VPS8: variants seen among roughly 807,000 people sequenced by gnomAD.
The protein encoded by VPS8 is VPS8 subunit of CORVET complex, also known as vacuolar protein sorting-associated protein 8 homolog.
A neutral mutation model predicts 216.4 loss-of-function variants in VPS8; 129 were observed. The observed-to-expected ratio is 0.60, with a 90% CI of 0.52 to 0.69. The LOEUF (loss-of-function observed/expected upper bound fraction) is 0.69, where lower values mean the gene tolerates loss of function less well. Among genes scored for constraint, VPS8 ranks in the 30% least tolerant of loss-of-function variants. VPS8 has a pLI of 0.00. For synonymous variants in VPS8, 571 were observed against 565.4 expected, an observed-to-expected ratio of 1.01 and a Z score of -0.14; for missense variants, 1,531 against 1,683.5, an observed-to-expected ratio of 0.91 and a Z score of 1.59.
At chr3:185,009,616 G>A (rs1042790023) in intron 45 of VPS8, among the ~76,000 whole-genome samples, 1 of 152,154 alleles carries the variant, frequency 6.6e-6, no homozygotes, top group East Asian at 1.9e-4. Context: ...TTTTGCGGGG[G>A]GTAGGGAAGG....
intron 23 of VPS8, among the ~76,000 whole-genome samples, chr3:184,898,170 A>G (rs1052031995): frequency 2.6e-5 from 4 of 152,168 alleles, no homozygotes; most frequent in East Asian, 1.9e-4. Context: ...TCCAAGATCA[A>G]TGTAAGTTCT....
chr3:184,917,414 T>TTCCTTCCC (rs1361403157), intron 28 of VPS8, among the ~76,000 whole-genome samples: 4 of 152,194 alleles, frequency 2.6e-5, no homozygotes, highest in Admixed American at 6.5e-5. Flanking sequence ...TCTTCCTTCC[T>TTCCTTCCC]TCCTTCCCTC....
intron 30 of VPS8, among the ~76,000 whole-genome samples, chr3:184,925,770 C>CTT (rs1166465662): frequency 6.9e-6 from 1 of 144,448 alleles, no homozygotes. Flanking sequence ...TTTTCTCTCT[C>CTT]TATTTTTTTT....
chr3:184,821,406 C>T (rs562034906), intron 1 of VPS8, among the ~76,000 whole-genome samples: 7 of 151,584 alleles, frequency 4.6e-5, no homozygotes, highest in Non-Finnish European at 1.0e-4. Flanking sequence ...TGCAGTGGCG[C>T]GAACTTGGCT....
rs781325500 is a variant in VPS8 at position 184,853,826 on chromosome 3, T to C, written c.822-31T>C. 21 of 1,551,884 alleles carry C rather than the reference T, an allele frequency of 1.4e-5. No individual in the cohort carries two copies. The South Asian group carries it at 2.4e-4, about 18-fold the overall frequency. The stretch of plus-strand genomic sequence containing the variant: ...AGTAGTGCCTTGGATCATTGCTAAA[T>C]TGATTCTGAATTTTCAAATTGCATT... On this transcript the variant is annotated intron_variant, in intron 11 of 47. Coordinates refer to ENST00000625842, the MANE Select transcript of VPS8 (RefSeq NM_001009921.3).
intron 45 of VPS8, among the ~76,000 whole-genome samples, chr3:185,004,021 C>T (rs1205533476): frequency 3.3e-5 from 5 of 152,146 alleles, no homozygotes; most frequent in African/African-American, 1.2e-4. Flanking sequence ...CAGAGACGCT[C>T]CTCACTTTCC....
intron 8 of VPS8, among the ~76,000 whole-genome samples, chr3:184,848,073 C>T (rs534082798): frequency 4.5e-4 from 68 of 152,068 alleles, no homozygotes; most frequent in African/African-American, 1.1e-3. Context: ...CCACCACACC[C>T]GGCTATATTT....
chr3:185,025,823 C>T (rs1757265876), intron 46 of VPS8, among the ~76,000 whole-genome samples: 1 of 152,184 alleles, frequency 6.6e-6, no homozygotes, highest in Non-Finnish European at 1.5e-5. Flanking sequence ...GCCTTGGATA[C>T]CACCAGACTT....
At chr3:184,891,603 G>A (rs1301591325) in intron 22 of VPS8, among the ~76,000 whole-genome samples, 2 of 152,182 alleles carry the variant, frequency 1.3e-5, no homozygotes, top group African/African-American at 4.8e-5. Context: ...ATTCACAGCT[G>A]TGTAAGTATC....
chr3:184,887,527 C>G (rs1398387867), intron 22 of VPS8, among the ~76,000 whole-genome samples: 1 of 151,728 alleles, frequency 6.6e-6, no homozygotes, highest in Non-Finnish European at 1.5e-5. Context: ...TATTATCATC[C>G]ACATTTTATA....
chr3:184,905,095 A>AC (rs1229565955), intron 25 of VPS8, among the ~76,000 whole-genome samples: 1 of 152,096 alleles, frequency 6.6e-6, no homozygotes, highest in East Asian at 1.9e-4. Context: ...AAAAGAGTGA[A>AC]CCCAGTCCAT....
At position 184,849,066 on chromosome 3, in the gene VPS8, T is replaced by A; in HGVS notation, c.542-5T>A. The A allele has an allele frequency of 6.2e-7, 1 of 1,612,734 alleles. No individual in the cohort carries two copies. Among genetic ancestry groups the A allele is most frequent in the Non-Finnish European group, 8.5e-7 (1 of 1,178,964 alleles). On this transcript the variant is annotated splice_polypyrimidine_tract_variant and splice_region_variant and intron_variant, in intron 8 of 47. Coordinates refer to ENST00000625842, the MANE Select transcript of VPS8 (RefSeq NM_001009921.3). ...TCACTTGACTTTAAAAACTGCTTTC[T>A]TTAGATCAGAATCAAGCTTTGCGAC...
intron 46 of VPS8, among the ~76,000 whole-genome samples, chr3:185,036,308 A>G (rs1363112070): frequency 2.0e-5 from 3 of 152,252 alleles, no homozygotes; most frequent in Non-Finnish European, 4.4e-5. Flanking sequence ...AGCCACAGCA[A>G]TGCTAAGCAG....
At chr3:185,031,341 A>T (rs140635542) in intron 46 of VPS8, among the ~76,000 whole-genome samples, 345 of 152,288 alleles carry the variant, frequency 2.3e-3, no homozygotes, top group Non-Finnish European at 4.4e-3. Context: ...GTTCTCATAA[A>T]CAACAAAATG....
intron 45 of VPS8, among the ~76,000 whole-genome samples, chr3:185,012,041 A>G (rs1266285761): frequency 6.6e-6 from 1 of 152,102 alleles, no homozygotes; most frequent in South Asian, 2.1e-4. Context: ...TTAGATGTCA[A>G]CAGCATTTTT....
rs140579682 is a variant in VPS8, at chr3:185,036,307, A to G, written c.4056+11918A>G. Among the ~76,000 whole-genome samples, 676 of 152,342 alleles carry G rather than the reference A, an allele frequency of 4.4e-3. 11 individuals carry two copies. The highest frequency in any genetic ancestry group is 0.015 in the African/African-American group (623 of 41,578). On this transcript the variant is annotated intron_variant, in intron 46 of 47. Transcript: ENST00000625842. ...AAAAAAGACCATGAATAGCCACAGC[A>G]ATGCTAAGCAGAAAGAGCAAAGCTG...
intron 46 of VPS8, among the ~76,000 whole-genome samples, chr3:185,039,287 T>C (rs1577251912): frequency 6.6e-6 from 1 of 152,310 alleles, no homozygotes; most frequent in East Asian, 1.9e-4. Context: ...TCCACTTGTA[T>C]TGCTATAAAG....
chr3:184,948,388 C>T (rs934543215), intron 36 of VPS8, among the ~76,000 whole-genome samples: 2 of 152,086 alleles, frequency 1.3e-5, no homozygotes, highest in African/African-American at 4.8e-5. Context: ...ATGGTAGTCA[C>T]ACCTATAATC....
At chr3:184,886,478 CACACGCATATAT>C (rs1009181034) in intron 22 of VPS8, among the ~76,000 whole-genome samples, 1 of 151,638 alleles carries the variant, frequency 6.6e-6, no homozygotes, top group East Asian at 1.9e-4. Flanking sequence ...TATACACACA[CACACGCATATAT>C]ACACACACAT....
Sources: gnomAD v4.1 joint callset for allele counts (sites outside exome capture counted in the v4.1 genomes callset) on GRCh38, gnomAD v4.1.1 for gene constraint, MANE v1.5 for transcripts, NCBI Gene and HGNC (gene_info 2026-07-23, HGNC 2026-07-21) for gene names.